The following COL13A1 variants were observed in gnomAD, a reference collection of about 807,000 sequenced individuals.
The protein encoded by COL13A1 is collagen alpha-1(XIII) chain.
A neutral mutation model predicts 130.9 loss-of-function variants in COL13A1; 89 were observed. The ratio of observed to expected loss-of-function variants is 0.68; its 90% CI spans 0.57 to 0.81. The LOEUF is 0.81. Among genes scored for constraint, COL13A1 ranks in the 30% least tolerant of loss-of-function variants. The pLI, the probability that COL13A1 is intolerant of heterozygous loss-of-function variation, is 0.00. For synonymous variants in COL13A1, 402 were observed against 341.6 expected (o/e 1.18, Z -1.95); for missense variants, 879 against 934.6 (o/e 0.94, Z 0.78).
At chr10:69,928,084 G>A (rs1324394338) in intron 27 of COL13A1, among the ~76,000 whole-genome samples, 1 of 152,126 alleles carries the variant, frequency 6.6e-6, no homozygotes, top group African/African-American at 2.4e-5. Context: ...CCCGGGAGGC[G>A]GAGGTTGCAG....
At chr10:69,804,721 G>C (rs186159542) in intron 1 of COL13A1, among the ~76,000 whole-genome samples, 31 of 147,266 alleles carry the variant, frequency 2.1e-4, no homozygotes, top group Non-Finnish European at 3.4e-4. Context: ...TGCGGGTCAG[G>C]CATTGTGGGA....
chr10:69,878,735 C>A (rs113709039), intron 6 of COL13A1, among the ~76,000 whole-genome samples: 1,913 of 152,350 alleles, frequency 0.013, 20 homozygotes, highest in Middle Eastern at 0.085. Context: ...GCCCACTTGT[C>A]CTCCCAAAGT....
intron 4 of COL13A1, among the ~76,000 whole-genome samples, chr10:69,874,419 C>CA (rs1412069318): frequency 3.3e-5 from 5 of 152,056 alleles, no homozygotes; most frequent in African/African-American, 9.7e-5. Context: ...CATATGATGG[C>CA]AAAAAAATAT....
At chr10:69,833,141 C>A (rs1000660465) in intron 2 of COL13A1, among the ~76,000 whole-genome samples, 2 of 152,180 alleles carry the variant, frequency 1.3e-5, no homozygotes, top group Non-Finnish European at 2.9e-5. Flanking sequence ...CTCCCAGGGG[C>A]GTCATTCACT....
chr10:69,839,742 T>C (rs900956669), intron 2 of COL13A1, among the ~76,000 whole-genome samples: 4 of 148,304 alleles, frequency 2.7e-5, no homozygotes, highest in Non-Finnish European at 4.5e-5. Flanking sequence ...TTGGTGTGTC[T>C]GAAGAAGAGA....
chr10:69,958,602 C>G (rs2071263070), intron 40 of COL13A1, 97 bp from the exon 41 acceptor site: 4 of 1,592,646 alleles, frequency 2.5e-6, no homozygotes, highest in Non-Finnish European at 2.6e-6. Context: ...AACTCCCATC[C>G]AACCCAGGAC....
intron 2 of COL13A1, among the ~76,000 whole-genome samples, chr10:69,830,049 C>T (rs1206412820): frequency 6.6e-6 from 1 of 152,146 alleles, no homozygotes; most frequent in African/African-American, 2.4e-5. Flanking sequence ...TCCGGAAAGG[C>T]CAGAAGAGCC....
Position 69,875,123 on chromosome 10 carries a change from A to G in COL13A1, c.400-5A>G. The stretch of plus-strand genomic sequence containing the variant: ...TCTGACTGTTTCTGCCTCCTTCATC[A>G]TCAGGGGGACAAAGGTGCCATTGGG... On this transcript the variant is annotated splice_polypyrimidine_tract_variant and splice_region_variant and intron_variant, in intron 4 of 40. Coordinates refer to ENST00000645393, the MANE Select transcript of COL13A1 (RefSeq NM_001368882.1). 2 of 1,613,898 alleles carry G rather than the reference A, an allele frequency of 1.2e-6. No individual in the cohort carries two copies. Among genetic ancestry groups the G allele is most frequent in the Non-Finnish European group, 8.5e-7 (1 of 1,179,860 alleles).
chr10:69,880,644 G>A, intron 7 of COL13A1, 91 bp downstream of exon 7: 1 of 1,378,192 alleles, frequency 7.3e-7, no homozygotes, highest in Non-Finnish European at 1.0e-6. Flanking sequence ...GACAGCGAGG[G>A]CGGCTGTGCC....
chr10:69,936,042 AGGAG>A lies in COL13A1; in HGVS notation c.1770+668_1770+671del, dbSNP rs1225568338. On this transcript the variant is annotated intron_variant, in intron 32 of 40. Transcript: ENST00000645393. ...AAAAGAAAAAGAGAGAAAGAGAGGGAGGAGGGAGGGAGGGAGGGAGTGAGGGAAG... is the reference window on the plus strand; with the variant it reads ...AAAAGAAAAAGAGAGAAAGAGAGGGAGGAGGGAGGGAGGGAGTGAGGGAAG... Among the ~76,000 whole-genome samples the A allele has an allele frequency of 3.0e-3, 381 of 125,970 alleles. 4 individuals are homozygous for A. The highest frequency in any genetic ancestry group is 1.0e-2 in the African/African-American group (344 of 34,556). 82.6% of individuals were successfully genotyped at this position (125,970 alleles called of 152,430 possible). A position where few individuals can be genotyped will look rare whatever the true frequency, so the allele number is the denominator to read the frequency against.
At position 69,888,363 on chromosome 10, in the gene COL13A1, G is replaced by T. The variant is rs374999763; in HGVS notation, c.576+33G>T. The T allele has an allele frequency of 5.0e-6, 8 of 1,608,418 alleles. No individual in the cohort carries two copies. In the Admixed American group the frequency reaches 1.3e-4, roughly 27 times the overall value. Reference sequence around the variant, plus strand: ...GACCCGCTCTCTCCCCTCACTGCAGGTCAGTGATCCTGGATCTCTTGGTCA... The same window carrying T: ...GACCCGCTCTCTCCCCTCACTGCAGTTCAGTGATCCTGGATCTCTTGGTCA... On this transcript the variant is annotated intron_variant, in intron 9 of 40. Coordinates refer to ENST00000645393, the MANE Select transcript of COL13A1 (RefSeq NM_001368882.1).
chr10:69,822,011 G>GT (rs1409820538), intron 1 of COL13A1, among the ~76,000 whole-genome samples: 13 of 152,194 alleles, frequency 8.5e-5, no homozygotes, highest in Non-Finnish European at 1.9e-4. Context: ...TCCATCAGGA[G>GT]CCCAGTCCAA....
At chr10:69,889,475 G>A (rs1288598216) in intron 10 of COL13A1, 35 bp downstream of exon 10, 5 of 1,606,230 alleles carry the variant, frequency 3.1e-6, no homozygotes, top group East Asian at 4.5e-5. Flanking sequence ...CCCGAGATGG[G>A]TGGGGGTTGG....
Position 69,878,658 on chromosome 10 carries a change from T to C in COL13A1, c.462+593T>C, listed in dbSNP as rs890241913. Among the ~76,000 whole-genome samples, 58 of 152,190 alleles carry C rather than the reference T, an allele frequency of 3.8e-4. 1 individual carries two copies. Among genetic ancestry groups the C allele is most frequent in the Admixed American group, 3.4e-3 (52 of 15,282 alleles). Reference sequence around the variant, plus strand: ...CACCACACCCAGCTAATTTTTGCAGTTTTAGTAGAGACAGGGTTTTACCAT... The same window carrying C: ...CACCACACCCAGCTAATTTTTGCAGCTTTAGTAGAGACAGGGTTTTACCAT... On this transcript the variant is annotated intron_variant, in intron 6 of 40. Coordinates refer to ENST00000645393, the MANE Select transcript of COL13A1 (RefSeq NM_001368882.1).
intron 7 of COL13A1, among the ~76,000 whole-genome samples, chr10:69,883,423 C>T (rs913129019): frequency 6.6e-6 from 1 of 152,228 alleles, no homozygotes; most frequent in African/African-American, 2.4e-5. Flanking sequence ...ACCAGGTAGA[C>T]ACACCTACTG....
rs769552045 is a variant in COL13A1, at chr10:69,921,905, C to T, written c.1113C>T (p.Ser371=). 1.2e-6 allele frequency: 2 copies of T among 1,607,424 alleles called. No individual in the cohort carries two copies. The highest frequency in any genetic ancestry group is 1.3e-5 in the African/African-American group (1 of 74,798). The part of the protein sequence containing the change: ...GQRGEKGAEG[S]PGLPGLLGQK... ...AGGGTGAGAAGGGGGCTGAAGGCTC[C>T]CCTGGGCTTCCTGGCCTCCTGGGGC... Residue 371 remains serine (S), a synonymous_variant, in exon 22 of 41, where the codon TCC becomes TCT. Coordinates refer to ENST00000645393, the MANE Select transcript of COL13A1 (RefSeq NM_001368882.1).
chr10:69,857,909 A>G (rs1856883492), intron 2 of COL13A1, among the ~76,000 whole-genome samples: 1 of 138,268 alleles, frequency 7.2e-6, no homozygotes, highest in South Asian at 2.4e-4. Context: ...CGAGGTCAGG[A>G]GTTCGAGACC....
At chr10:69,876,220 T>C (rs1052150752) in intron 5 of COL13A1, among the ~76,000 whole-genome samples, 1 of 152,180 alleles carries the variant, frequency 6.6e-6, no homozygotes, top group Non-Finnish European at 1.5e-5. Flanking sequence ...AAACCAAGGC[T>C]CAGAAGCTAA....
intron 34 of COL13A1, among the ~76,000 whole-genome samples, chr10:69,937,947 C>T (rs1186740670): frequency 6.6e-6 from 1 of 152,262 alleles, no homozygotes; most frequent in Non-Finnish European, 1.5e-5. Context: ...CAGGCTCCCC[C>T]ACCCCAAGGG....
Sources: gnomAD v4.1 joint callset for allele counts (sites outside exome capture counted in the v4.1 genomes callset) on GRCh38, gnomAD v4.1.1 for gene constraint, MANE v1.5 for transcripts, NCBI Gene and HGNC (gene_info 2026-07-23, HGNC 2026-07-21) for gene names.